Variants in JHY observed in about 807,000 individuals in gnomAD.
The protein encoded by JHY is jhy protein homolog.
A neutral mutation model predicts 78.0 loss-of-function variants in JHY; 69 were observed. That is an observed-to-expected ratio of 0.88 (90% CI 0.73 to 1.08). JHY has a LOEUF of 1.08. Ranked by LOEUF, JHY falls within the 50% of genes least tolerant of loss-of-function variation. The probability of loss-of-function intolerance (pLI) is 0.00; values close to 1 mark genes in which losing one functional copy is unlikely to be tolerated. For synonymous variants in JHY, 368 were observed against 342.6 expected (o/e 1.07, Z -0.82); for missense variants, 944 against 927.8 (o/e 1.02, Z -0.23).
At chr11:122,895,619 G>C (rs772463599) in intron 2 of JHY, among the ~76,000 whole-genome samples, 1 of 152,118 alleles carries the variant, frequency 6.6e-6, no homozygotes, top group Non-Finnish European at 1.5e-5. Flanking sequence ...CTTCCTCTCT[G>C]CCTCCGTTTC....
In JHY at chr11:122,959,806, T is replaced by A; in HGVS notation, c.*361T>A. ...CCAGAAATAAATGTAGCTGTGTTTC[T>A]CTCTTACCTTCCTAGTAAGAAAAAC... is the stretch of plus-strand genomic sequence containing the variant. On this transcript the variant is annotated 3_prime_UTR_variant, in exon 9 of 9. Transcript: ENST00000227349. 1 of 172,674 alleles carries A rather than the reference T, an allele frequency of 5.8e-6. No homozygotes were observed. Among genetic ancestry groups the A allele is most frequent in the South Asian group, 1.6e-4 (1 of 6,152 alleles). 10.7% of individuals were successfully genotyped at this position (172,674 alleles called of 1,614,324 possible). A position where few individuals can be genotyped will look rare whatever the true frequency, so the allele number is the denominator to read the frequency against.
intron 2 of JHY, among the ~76,000 whole-genome samples, chr11:122,896,362 A>AT (rs1862741408): frequency 6.6e-6 from 1 of 150,978 alleles, no homozygotes; most frequent in East Asian, 1.9e-4. Context: ...AAAAAAAAAA[A>AT]AAAGGAAATT....
At chr11:122,890,016 G>A (rs1326487562) in intron 2 of JHY, among the ~76,000 whole-genome samples, 1 of 151,502 alleles carries the variant, frequency 6.6e-6, no homozygotes, top group African/African-American at 2.4e-5. Flanking sequence ...CAAAGTGCTA[G>A]GATTACAGGC....
intron 3 of JHY, chr11:122,905,430 C>T: frequency 1.5e-6 from 2 of 1,350,190 alleles, no homozygotes; most frequent in Non-Finnish European, 9.5e-7. Context: ...TGTGGTTGCC[C>T]TTAGACCTAT....
rs568059488 is a variant in JHY at position 122,922,765 on chromosome 11, G to A, written c.865-2132G>A. ...GCGGAGCTTGCAGTGAGCCGAGATT[G>A]TGCCACTGCACTCCAGCCTGGGCAA... is the stretch of plus-strand genomic sequence containing the variant. On this transcript the variant is annotated intron_variant, in intron 3 of 8. Coordinates refer to ENST00000227349, the MANE Select transcript of JHY (RefSeq NM_024806.4). Among the ~76,000 whole-genome samples, 8 of 136,942 alleles carry A rather than the reference G, an allele frequency of 5.8e-5. No homozygotes were observed. The East Asian group carries it at 1.8e-3, about 32-fold the overall frequency. 89.8% of individuals were successfully genotyped at this position (136,942 alleles called of 152,430 possible).
Position 122,946,739 on chromosome 11 carries a change from T to A in JHY, c.1876T>A (p.Tyr626Asn). The A allele has an allele frequency of 6.2e-7, 1 of 1,614,000 alleles. No individual in the cohort carries two copies. Among genetic ancestry groups the A allele is most frequent in the Non-Finnish European group, 8.5e-7 (1 of 1,179,972 alleles). The change falls in exon 6 of 9, where the codon TAT becomes AAT. Residue 626 changes from tyrosine to asparagine, a missense_variant. By Grantham distance (143) the Tyr-to-Asn change is moderately radical. Coordinates refer to ENST00000227349, the MANE Select transcript of JHY (RefSeq NM_024806.4). ...AATTAGCCGTAGCAATTCTGAAGGCTATCTGTTTCAACTGGAAAAGGGAAA... is the reference window on the plus strand; with the variant it reads ...AATTAGCCGTAGCAATTCTGAAGGCAATCTGTTTCAACTGGAAAAGGGAAA... Reference protein sequence around the residue: ...VKISRSNSEGYLFQLEKGKKH... With the variant: ...VKISRSNSEGNLFQLEKGKKH...
At chr11:122,900,657 C>T (rs918945490) in intron 2 of JHY, among the ~76,000 whole-genome samples, 7 of 151,636 alleles carry the variant, frequency 4.6e-5, no homozygotes, top group Non-Finnish European at 1.0e-4. Flanking sequence ...TATGCTTAAC[C>T]TTTTATTCAA....
chr11:122,896,009 G>C (rs1862733149), intron 2 of JHY, among the ~76,000 whole-genome samples: 1 of 152,134 alleles, frequency 6.6e-6, no homozygotes, highest in African/African-American at 2.4e-5. Flanking sequence ...GGATGTTTAA[G>C]ATAGTCTTTT....
intron 8 of JHY, among the ~76,000 whole-genome samples, chr11:122,958,298 C>T (rs1864234995): frequency 6.6e-6 from 1 of 152,170 alleles, no homozygotes; most frequent in Admixed American, 6.5e-5. Flanking sequence ...TCCTTTGGTG[C>T]CTGCAGGAAT....
rs1326374647 is a variant in JHY, at chr11:122,946,708, A to G, written c.1845A>G (p.Gln615=). ...GTTCAGAGAGAAGCCAAAGAAACCA[A>G]GTGAAAATTAGCCGTAGCAATTCTG... ...QLSSERSQRN[Q]VKISRSNSEG... Residue 615 remains glutamine (Q), a synonymous_variant, in exon 6 of 9, where the codon CAA becomes CAG. Transcript: ENST00000227349. 2 of 1,614,076 alleles carry G rather than the reference A, an allele frequency of 1.2e-6. No homozygotes were observed. Among genetic ancestry groups the G allele is most frequent in the Non-Finnish European group, 1.7e-6 (2 of 1,180,032 alleles).
intron 1 of JHY, 64 bp from the exon 2 acceptor site, chr11:122,885,697 G>C (rs1241042084): frequency 1.8e-5 from 11 of 607,356 alleles, no homozygotes; most frequent in Non-Finnish European, 3.1e-5. Flanking sequence ...TTAAATATTT[G>C]ATTAACGTTG....
intron 3 of JHY, among the ~76,000 whole-genome samples, chr11:122,907,932 T>A (rs993555957): frequency 3.3e-5 from 5 of 152,104 alleles, no homozygotes; most frequent in Admixed American, 6.5e-5. Flanking sequence ...TTGTTTTTTT[T>A]ATAAAACTCC....
At chr11:122,950,782 G>A (rs955957942) in intron 6 of JHY, among the ~76,000 whole-genome samples, 4 of 152,172 alleles carry the variant, frequency 2.6e-5, no homozygotes, top group African/African-American at 7.2e-5. Context: ...AAAGTACTCC[G>A]ACGACAGTGT....
chr11:122,888,518 CT>C (rs1334306106), intron 2 of JHY, among the ~76,000 whole-genome samples: 2 of 151,752 alleles, frequency 1.3e-5, no homozygotes, highest in African/African-American at 2.4e-5. Flanking sequence ...GGAGGATGTC[CT>C]TGTTGTGTTA....
intron 2 of JHY, among the ~76,000 whole-genome samples, chr11:122,895,360 T>G (rs942425546): frequency 2.6e-5 from 4 of 152,218 alleles, no homozygotes; most frequent in Non-Finnish European, 4.4e-5. Context: ...ATGCTTTTAT[T>G]CACCTCCTCA....
In JHY at chr11:122,919,352, C is replaced by CAAAAA. The variant is rs72233254; in HGVS notation, c.865-5525_865-5521dup. On this transcript the variant is annotated intron_variant, in intron 3 of 8. Coordinates refer to ENST00000227349, the MANE Select transcript of JHY (RefSeq NM_024806.4). ...TGGGCAACAGAGAGAGACTCTGTCTCAAAAAAAAAAAAAAAAAAAAAAAAG... is the reference window on the plus strand; with the variant it reads ...TGGGCAACAGAGAGAGACTCTGTCTCAAAAAAAAAAAAAAAAAAAAAAAAAAAAAG... Among the ~76,000 whole-genome samples, 366 of 70,006 alleles carry CAAAAA rather than the reference C, an allele frequency of 5.2e-3. 1 individual carries two copies. Among genetic ancestry groups the CAAAAA allele is most frequent in the South Asian group, 0.014 (25 of 1,804 alleles). The allele number at this position is 70,006 out of a possible 152,430, so 45.9% of individuals were successfully genotyped here. A position where few individuals can be genotyped will look rare whatever the true frequency, so the allele number is the denominator to read the frequency against.
chr11:122,904,710 A>G (rs543470496), intron 3 of JHY, among the ~76,000 whole-genome samples: 2 of 152,376 alleles, frequency 1.3e-5, no homozygotes, highest in Non-Finnish European at 2.9e-5. Flanking sequence ...CAAAATTGCT[A>G]TAATTGCTAT....
intron 4 of JHY, among the ~76,000 whole-genome samples, chr11:122,926,187 CAAAAAAAAAAAAAAAAAAAGAAAAAAG>C (rs1159471661): frequency 2.5e-5 from 1 of 40,084 alleles, no homozygotes; most frequent in Admixed American, 3.0e-4. Flanking sequence ...GACTCCATCT[CAAAAAAAAAAAAAAAAAAAGAAAAAAG>C]AAAAAGAAAA....
At position 122,904,206 on chromosome 11, in the gene JHY, C is replaced by T. The variant is rs369524567; in HGVS notation, c.626C>T (p.Pro209Leu). 5.9e-5 allele frequency: 96 copies of T among 1,614,018 alleles called. No individual in the cohort carries two copies. Among genetic ancestry groups the T allele is most frequent in the Non-Finnish European group, 8.0e-5 (94 of 1,180,042 alleles). The change falls in exon 3 of 9, where the codon CCG becomes CTG. Residue 209 changes from proline (P) to leucine (L), a missense_variant. Pro to Leu is a moderately conservative substitution (Grantham distance 98). Coordinates refer to ENST00000227349, the MANE Select transcript of JHY (RefSeq NM_024806.4). ...NYEHGARRSK[P>L]FSELSDSDLE... ...GAGCATGGTGCCCGTCGCAGCAAGC[C>T]GTTTTCAGAGCTGAGCGACAGTGAC...
Sources: gnomAD v4.1 joint callset for allele counts (sites outside exome capture counted in the v4.1 genomes callset) on GRCh38, gnomAD v4.1.1 for gene constraint, MANE v1.5 for transcripts, NCBI Gene and HGNC (gene_info 2026-07-23, HGNC 2026-07-21) for gene names.